The following PFAS variants were observed in gnomAD, a reference collection of about 807,000 sequenced individuals.
PFAS encodes phosphoribosylformylglycinamidine synthase, also known as FGAM synthase.
A neutral mutation model predicts 140.6 loss-of-function variants in PFAS; 97 were observed. The ratio of observed to expected loss-of-function variants is 0.69; its 90% CI spans 0.59 to 0.82. PFAS has a LOEUF of 0.82. PFAS is among the 40% of genes least tolerant of loss of function. PFAS has a pLI of 0.00. For missense variants in PFAS, 1,656 were observed against 1,780.2 expected (o/e 0.93, Z 1.26); for synonymous variants, 679 against 718.8 (o/e 0.94, Z 0.88).
At chr17:8,262,838 C>T in intron 11 of PFAS, 82 bp from the exon 12 acceptor site, 3 of 1,057,848 alleles carry the variant, frequency 2.8e-6, no homozygotes, top group East Asian at 2.4e-5. Context: ...ACATCAGCTT[C>T]CTCTGTGTTC....
rs150994580 is a variant in PFAS at position 8,268,652 on chromosome 17, G to A, written c.3502G>A (p.Gly1168Ser). The A allele has an allele frequency of 3.6e-5, 58 of 1,613,762 alleles. 2 individuals are homozygous for A. In the South Asian group the frequency reaches 4.6e-4, roughly 13 times the overall value. ...CNGCQLLALL[G>S]WVGGDPNEDA... ...TGGCTGTCAACTGCTGGCTCTGCTC[G>A]GCTGGGTGGGAGGCGACCCCAATGA... The change falls in exon 27 of 28, where the codon GGC becomes AGC. Residue 1168 changes from glycine to serine, a missense_variant. This residue lies in a region of PFAS where 883 missense variants were observed against 1,023.0 expected (regional missense o/e 0.86). Transcript: ENST00000314666.
chr17:8,250,079 A>T (rs549377136), intron 1 of PFAS, among the ~76,000 whole-genome samples: 1 of 152,220 alleles, frequency 6.6e-6, no homozygotes, highest in Non-Finnish European at 1.5e-5. Context: ...AGAGCTAGCC[A>T]TGCATATGTC....
At chr17:8,257,074 G>T (rs1170821444) in intron 9 of PFAS, 111 bp downstream of exon 9, 10 of 1,189,210 alleles carry the variant, frequency 8.4e-6, no homozygotes, top group Non-Finnish European at 1.2e-5. Context: ...CTTTTCTCAG[G>T]AGGAAGGGCT....
At chr17:8,261,277 C>T (rs1472637781) in intron 11 of PFAS, among the ~76,000 whole-genome samples, 2 of 151,278 alleles carry the variant, frequency 1.3e-5, no homozygotes, top group Non-Finnish European at 2.9e-5. Flanking sequence ...TGCTCTGTTA[C>T]TCAGGCTGGA....
chr17:8,251,333 G>A (rs111884671), intron 1 of PFAS, among the ~76,000 whole-genome samples: 2,895 of 152,214 alleles, frequency 0.019, 99 homozygotes, highest in African/African-American at 0.066. Flanking sequence ...CCAGGCTGGA[G>A]TGCAGTGGCA....
intron 13 of PFAS, 57 bp from the exon 14 acceptor site, chr17:8,263,518 C>T: frequency 2.1e-6 from 3 of 1,442,128 alleles, no homozygotes; most frequent in South Asian, 1.1e-5. Flanking sequence ...CCAGGGACTG[C>T]CCTTTGTTGC....
At position 8,255,637 on chromosome 17, in the gene PFAS, A is replaced by C. The variant is rs1989330861; in HGVS notation, c.520A>C (p.Ile174Leu). Residue 174 changes from isoleucine to leucine, a missense_variant, in exon 5 of 28, where the codon ATC becomes CTC. Coordinates refer to ENST00000314666, the MANE Select transcript of PFAS (RefSeq NM_012393.3). ...ESMPEPLNGP[I>L]NILGEGRLAL... ...CATGCCGGAACCCCTCAATGGCCCTATCAATATACTGGGTGAGGGCCGGCT... is the reference window on the plus strand; with the variant it reads ...CATGCCGGAACCCCTCAATGGCCCTCTCAATATACTGGGTGAGGGCCGGCT... 3 of 1,582,516 alleles carry C rather than the reference A, an allele frequency of 1.9e-6. No individual in the cohort carries two copies. The highest frequency in any genetic ancestry group is 2.7e-5 in the African/African-American group (2 of 73,454).
chr17:8,256,462 C>T, intron 7 of PFAS, 55 bp downstream of exon 7: 1 of 1,613,598 alleles, frequency 6.2e-7, no homozygotes, highest in Non-Finnish European at 8.5e-7. Flanking sequence ...AGGCCCCAGG[C>T]CCTGGTTGGG....
At chr17:8,260,026 G>C (rs983230571) in intron 11 of PFAS, among the ~76,000 whole-genome samples, 2 of 151,882 alleles carry the variant, frequency 1.3e-5, no homozygotes, top group African/African-American at 4.8e-5. Flanking sequence ...ACTTGAACCT[G>C]GGAGGTGGAG....
intron 11 of PFAS, among the ~76,000 whole-genome samples, chr17:8,260,147 T>C (rs1435457726): frequency 6.6e-6 from 1 of 152,014 alleles, no homozygotes; most frequent in Non-Finnish European, 1.5e-5. Flanking sequence ...CATAAACCAG[T>C]AATAGTCATT....
In PFAS at chr17:8,267,304, G is replaced by C. The variant is rs1989857961; in HGVS notation, c.3176-68G>C. ...GCCTGGATGCCTGGGCCTGCCCTCAGAAAGGTGTCTGGGGAGTTGGGGTGG... is the reference window on the plus strand; with the variant it reads ...GCCTGGATGCCTGGGCCTGCCCTCACAAAGGTGTCTGGGGAGTTGGGGTGG... On this transcript the variant is annotated intron_variant, in intron 24 of 27. Coordinates refer to ENST00000314666, the MANE Select transcript of PFAS (RefSeq NM_012393.3). This position sits in a 1 kb window ranked among gnomAD's most constrained non-coding sequence, Gnocchi z 4.9. 4 of 1,590,806 alleles carry C rather than the reference G, an allele frequency of 2.5e-6. No individual in the cohort carries two copies. Among genetic ancestry groups the C allele is most frequent in the Non-Finnish European group, 3.4e-6 (4 of 1,160,136 alleles).
chr17:8,266,209 C>T lies in PFAS; in HGVS notation c.2702-25C>T. On this transcript the variant is annotated intron_variant, in intron 21 of 27. Transcript: ENST00000314666. This position sits in a 1 kb window ranked among gnomAD's most constrained non-coding sequence, Gnocchi z 5.0. ...CTGTCAGGTTTGGGTCCCGAGGTTGCTGAGCTTTCTTCTCCTTCCTCCAGA... is the reference window on the plus strand; with the variant it reads ...CTGTCAGGTTTGGGTCCCGAGGTTGTTGAGCTTTCTTCTCCTTCCTCCAGA... The T allele has an allele frequency of 1.2e-6, 2 of 1,613,032 alleles. No individual in the cohort carries two copies. Among genetic ancestry groups the T allele is most frequent in the East Asian group, 2.2e-5 (1 of 44,864 alleles).
chr17:8,248,083 G>T, upstream of PFAS: 2 of 1,371,426 alleles, frequency 1.5e-6, no homozygotes, highest in Non-Finnish European at 1.0e-6. Flanking sequence ...CTCGCTTGGG[G>T]GTGGGGATGG....
upstream of PFAS, chr17:8,248,036 T>G (rs779499831): frequency 2.9e-5 from 44 of 1,542,898 alleles, no homozygotes; most frequent in Non-Finnish European, 3.8e-5. Flanking sequence ...CCAGCCGCCA[T>G]GATGCGCCGG....
chr17:8,267,685 C>G lies in PFAS; in HGVS notation c.3382+20C>G, dbSNP rs370310829. On this transcript the variant is annotated intron_variant, in intron 26 of 27. Coordinates refer to ENST00000314666, the MANE Select transcript of PFAS (RefSeq NM_012393.3). This position sits in a 1 kb window ranked among gnomAD's most constrained non-coding sequence, Gnocchi z 4.9. Reference sequence around the variant, plus strand: ...CCAAAGGTCAGTGTGCAGGCTTCTGCCCACTCCCTTCCCCCACATTCCTGA... The same window carrying G: ...CCAAAGGTCAGTGTGCAGGCTTCTGGCCACTCCCTTCCCCCACATTCCTGA... 1 of 1,338,792 alleles carries G rather than the reference C, an allele frequency of 7.5e-7. No individual in the cohort carries two copies. Among genetic ancestry groups the G allele is most frequent in the Middle Eastern group, 1.8e-4 (1 of 5,478 alleles). The allele number at this position is 1,338,792 out of a possible 1,614,324, so 82.9% of individuals were successfully genotyped here. A position where few individuals can be genotyped will look rare whatever the true frequency, so the allele number is the denominator to read the frequency against.
At position 8,253,980 on chromosome 17, in the gene PFAS, G is replaced by T; in HGVS notation, c.43G>T (p.Glu15Ter). ...CTTCTATGTTCGTCCCTCTGGCCAT[G>T]AGGGGGCAGCCCCTGGACACACTCG... ...LHFYVRPSGH[E>*]GAAPGHTRRK... Residue 15 changes from glutamate to a stop codon, truncating the protein, a stop_gained, in exon 2 of 28, where the codon GAG becomes TAG. Transcript: ENST00000314666. LOFTEE classifies it high-confidence loss of function. 3 of 1,614,138 alleles carry T rather than the reference G, an allele frequency of 1.9e-6. No homozygotes were observed. The highest frequency in any genetic ancestry group is 2.5e-6 in the Non-Finnish European group (3 of 1,180,020).
chr17:8,251,839 T>C (rs1989166746), intron 1 of PFAS, among the ~76,000 whole-genome samples: 1 of 151,636 alleles, frequency 6.6e-6, no homozygotes. Flanking sequence ...GCCCGGCTAA[T>C]TTTTTGTATT....
At chr17:8,254,752 C>T (rs759483956) in intron 3 of PFAS, among the ~76,000 whole-genome samples, 3 of 152,126 alleles carry the variant, frequency 2.0e-5, no homozygotes, top group Admixed American at 6.5e-5. Flanking sequence ...TGCAGTGAAC[C>T]GAGATCACGC....
Position 8,258,053 on chromosome 17 carries a change from C to T in PFAS, c.1208-18C>T. 3.1e-6 allele frequency: 5 copies of T among 1,614,076 alleles called. No homozygotes were observed. The highest frequency in any genetic ancestry group is 4.2e-6 in the Non-Finnish European group (5 of 1,179,974). ...TGGGGGAACTGAGTGACAGGTCCCT[C>T]TGATGTTCACACTCCAGGCTTCGCC... is the stretch of plus-strand genomic sequence containing the variant. On this transcript the variant is annotated intron_variant, in intron 10 of 27. Transcript: ENST00000314666.
Sources: gnomAD v4.1 joint callset for allele counts (sites outside exome capture counted in the v4.1 genomes callset) on GRCh38, gnomAD v4.1.1 for gene constraint, gnomAD v4.1.1 regional missense constraint, Gnocchi (gnomAD v3.1) non-coding constraint, MANE v1.5 for transcripts, NCBI Gene and HGNC (gene_info 2026-07-23, HGNC 2026-07-21) for gene names.